BBS4: variants seen among roughly 807,000 people sequenced by gnomAD.
BBS4 encodes the protein BBSome complex member BBS4.
In BBS4, 58 loss-of-function variants were observed where a neutral mutation model predicts 71.4. The observed-to-expected ratio is 0.81, with a 90% confidence interval of 0.66 to 1.01. The LOEUF (loss-of-function observed/expected upper bound fraction) is 1.01, where lower values mean the gene tolerates loss of function less well. BBS4 is among the 50% of genes least tolerant of loss of function. The probability of loss-of-function intolerance (pLI) is 0.00; values close to 1 mark genes in which losing one functional copy is unlikely to be tolerated. For synonymous variants in BBS4, 228 were observed against 216.8 expected (o/e 1.05, Z -0.46); for missense variants, 660 against 607.9 (o/e 1.09, Z -0.90).
intron 2 of BBS4, chr15:72,704,583 A>C (rs1336212002): frequency 5.0e-6 from 3 of 604,220 alleles, no homozygotes; most frequent in Non-Finnish European, 5.2e-6. Context: ...AATGGTAATA[A>C]AAATAACAGC....
At position 72,696,172 on chromosome 15, in the gene BBS4, G is replaced by A. The variant is rs530791062; in HGVS notation, c.76+944G>A. On this transcript the variant is annotated intron_variant, in intron 2 of 15. Transcript: ENST00000268057. ...TGTGTATTTTGAAGATCTGTTGTTG[G>A]ATGCATATACATTTAGGATTGTCTG... Among the ~76,000 whole-genome samples the A allele has an allele frequency of 5.3e-5, 8 of 152,274 alleles. No homozygotes were observed. In the South Asian group the frequency reaches 1.7e-3, roughly 32 times the overall value.
chr15:72,727,366 C>CTTACA (rs1274373782), intron 8 of BBS4, among the ~76,000 whole-genome samples: 3 of 152,162 alleles, frequency 2.0e-5, no homozygotes, highest in Admixed American at 2.0e-4. Flanking sequence ...GAGTATTTTA[C>CTTACA]TTACATCAGT....
intron 1 of BBS4, among the ~76,000 whole-genome samples, chr15:72,689,368 G>A (rs1021895648): frequency 5.3e-5 from 8 of 152,200 alleles, no homozygotes; most frequent in Admixed American, 2.6e-4. Flanking sequence ...CTTACGGATT[G>A]CTACCAGTTC....
intron 2 of BBS4, among the ~76,000 whole-genome samples, chr15:72,709,267 G>A (rs941887504): frequency 2.0e-5 from 3 of 152,190 alleles, no homozygotes; most frequent in Non-Finnish European, 4.4e-5. Context: ...TTAGCCGGCT[G>A]ACGCTTATAG....
At position 72,698,534 on chromosome 15, in the gene BBS4, T is replaced by G. The variant is rs75138886; in HGVS notation, c.76+3306T>G. On this transcript the variant is annotated intron_variant, in intron 2 of 15. Transcript: ENST00000268057. ...CTTATTCCACTCAGCATTTTCAAGA[T>G]TCATTCATGTTGTAGCATGTGTCAG... Among the ~76,000 whole-genome samples, 645 of 152,326 alleles carry G rather than the reference T, an allele frequency of 4.2e-3. 7 individuals are homozygous for G. Among genetic ancestry groups the G allele is most frequent in the African/African-American group, 0.015 (625 of 41,582 alleles).
chr15:72,693,718 G>C (rs2065026261), intron 1 of BBS4, among the ~76,000 whole-genome samples: 1 of 152,014 alleles, frequency 6.6e-6, no homozygotes, highest in African/African-American at 2.4e-5. Flanking sequence ...TAAACAGGAT[G>C]GATTTGACCT....
chr15:72,735,100 T>A lies in BBS4; in HGVS notation c.1037-13T>A. The A allele has an allele frequency of 6.2e-7, 1 of 1,609,806 alleles. No individual in the cohort carries two copies. Among genetic ancestry groups the A allele is most frequent in the Non-Finnish European group, 8.5e-7 (1 of 1,176,186 alleles). Reference sequence around the variant, plus strand: ...AGCTGAGCTCTCCAGCTGCAGTGCTTTCTTTGTTGCAGTGGCTCTGACCAA... The same window carrying A: ...AGCTGAGCTCTCCAGCTGCAGTGCTATCTTTGTTGCAGTGGCTCTGACCAA... On this transcript the variant is annotated splice_polypyrimidine_tract_variant and intron_variant, in intron 12 of 15. Coordinates refer to ENST00000268057, the MANE Select transcript of BBS4 (RefSeq NM_033028.5).
intron 6 of BBS4, among the ~76,000 whole-genome samples, chr15:72,719,223 C>G (rs1395984055): frequency 6.6e-6 from 1 of 151,004 alleles, no homozygotes; most frequent in Non-Finnish European, 1.5e-5. Context: ...CCAATAATCC[C>G]TGGAACATCC....
chr15:72,707,039 T>C (rs2151012756), intron 2 of BBS4, among the ~76,000 whole-genome samples: 1 of 152,132 alleles, frequency 6.6e-6, no homozygotes, highest in Non-Finnish European at 1.5e-5. Flanking sequence ...AAGCTTTTTT[T>C]TTCTTCCTGT....
intron 6 of BBS4, among the ~76,000 whole-genome samples, chr15:72,721,387 A>T (rs763565856): frequency 2.6e-5 from 4 of 152,038 alleles, no homozygotes; most frequent in Admixed American, 6.6e-5. Flanking sequence ...TGTGGATTGG[A>T]TGGTTGTTGG....
rs748219203 is a variant in BBS4 at position 72,697,943 on chromosome 15, C to T, written c.76+2715C>T. The T allele has an allele frequency of 7.5e-5, 34 of 455,626 alleles. 1 individual carries two copies. Among genetic ancestry groups the T allele is most frequent in the African/African-American group, 2.0e-5 (1 of 50,052 alleles). The allele number at this position is 455,626 out of a possible 1,614,324, so 28.2% of individuals were successfully genotyped here. ...GTGGTTCTGAGAAAATAATATGCTA[C>T]ATGAGGCTACTGAAGTCCTCTTCCT... On this transcript the variant is annotated intron_variant, in intron 2 of 15. Coordinates refer to ENST00000268057, the MANE Select transcript of BBS4 (RefSeq NM_033028.5).
intron 1 of BBS4, among the ~76,000 whole-genome samples, chr15:72,692,676 A>G (rs1354216142): frequency 6.7e-6 from 1 of 150,086 alleles, no homozygotes; most frequent in South Asian, 2.1e-4. Context: ...GCTTGCTGCA[A>G]CTCCGCTTCC....
At chr15:72,708,701 A>G (rs1256815677) in intron 2 of BBS4, among the ~76,000 whole-genome samples, 4 of 152,146 alleles carry the variant, frequency 2.6e-5, no homozygotes, top group Non-Finnish European at 2.9e-5. Context: ...AGATATCGCT[A>G]AATTCTTTTC....
intron 14 of BBS4, 106 bp from the exon 15 acceptor site, chr15:72,736,655 AC>A (rs746118493): frequency 3.4e-5 from 35 of 1,041,824 alleles, no homozygotes; most frequent in African/African-American, 4.7e-5. Context: ...TGCTAGTACG[AC>A]CAGACACTAT....
At chr15:72,702,701 G>T (rs1369278457) in intron 2 of BBS4, among the ~76,000 whole-genome samples, 6 of 150,708 alleles carry the variant, frequency 4.0e-5, no homozygotes, top group Admixed American at 6.6e-5. Context: ...CATCATTTAT[G>T]TACCTGAACA....
chr15:72,735,263 C>T (rs2065899552), intron 13 of BBS4, 81 bp downstream of exon 13: 1 of 1,084,106 alleles, frequency 9.2e-7, no homozygotes, highest in Non-Finnish European at 1.4e-6. Flanking sequence ...AGCATTGGTG[C>T]TGCCTGTGTC....
chr15:72,695,253 T>G (rs751160262), intron 2 of BBS4, 25 bp downstream of exon 2: 1 of 1,467,278 alleles, frequency 6.8e-7, no homozygotes, highest in East Asian at 2.3e-5. Context: ...TCATGGTATG[T>G]GTATGTTTGC....
rs58123834 is a variant in BBS4 at position 72,714,220 on chromosome 15, C to CTTT, written c.221-1050_221-1048dup. Among the ~76,000 whole-genome samples, 339 of 98,412 alleles carry CTTT rather than the reference C, an allele frequency of 3.4e-3. 2 individuals are homozygous for CTTT. Among genetic ancestry groups the CTTT allele is most frequent in the Middle Eastern group, 7.9e-3 (1 of 126 alleles). The allele number at this position is 98,412 out of a possible 152,430, so 64.6% of individuals were successfully genotyped here. A position where few individuals can be genotyped will look rare whatever the true frequency, so the allele number is the denominator to read the frequency against. On this transcript the variant is annotated intron_variant, in intron 4 of 15. Transcript: ENST00000268057. ...ACCAAAGATAAGGACCACTCACTTA[C>CTTT]TTTTTTTTTTTTTTTTTTTTTTTGA...
In BBS4 at chr15:72,720,346, G is replaced by A. The variant is rs74759769; in HGVS notation, c.406-2448G>A. Among the ~76,000 whole-genome samples the A allele has an allele frequency of 9.6e-3, 1,455 of 151,890 alleles. 50 individuals are homozygous for A. The East Asian group carries it at 0.13, about 14-fold the overall frequency. ...GAAAAAAAAATAAAAATTAGTGGTC[G>A]TGTGCACCTGTAGTCCTAGCTATTC... On this transcript the variant is annotated intron_variant, in intron 6 of 15. Transcript: ENST00000268057.
Sources: gnomAD v4.1 joint callset for allele counts (sites outside exome capture counted in the v4.1 genomes callset) on GRCh38, gnomAD v4.1.1 for gene constraint, MANE v1.5 for transcripts, NCBI Gene and HGNC (gene_info 2026-07-23, HGNC 2026-07-21) for gene names.